The following CHM variants were observed in gnomAD, a reference collection of about 807,000 sequenced individuals.
CHM encodes the protein CHM Rab escort protein, also known as rab proteins geranylgeranyltransferase component A 1.
In CHM, 10 loss-of-function variants were observed where a neutral mutation model predicts 49.0. The ratio of observed to expected loss-of-function variants is 0.20; its 90% CI spans 0.13 to 0.35. The LOEUF (loss-of-function observed/expected upper bound fraction) is 0.35, where lower values mean the gene tolerates loss of function less well. Ranked by LOEUF, CHM falls within the 10% of genes least tolerant of loss-of-function variation. The pLI, the probability that CHM is intolerant of heterozygous loss-of-function variation, is 1.00. For synonymous variants in CHM, 184 were observed against 167.5 expected, an observed-to-expected ratio of 1.10 and a Z score of -0.76; for missense variants, 455 against 478.4, an observed-to-expected ratio of 0.95 and a Z score of 0.46.
chrX:86,013,944 G>T (rs1406871022), intron 2 of CHM, among the ~76,000 whole-genome samples: 1 of 111,574 alleles, frequency 9.0e-6, no homozygotes, highest in African/African-American at 3.3e-5. Context: ...AAATATTTTA[G>T]GCTTTGCAGG....
intron 12 of CHM, among the ~76,000 whole-genome samples, chrX:85,886,591 CAGAA>C (rs1358348369): frequency 9.0e-6 from 1 of 110,683 alleles, no homozygotes; most frequent in African/African-American, 3.3e-5. Flanking sequence ...TGACTTGAAA[CAGAA>C]AGAAATCAAT....
At chrX:85,973,328 A>AAAAAG (rs1931070685) in intron 4 of CHM, among the ~76,000 whole-genome samples, 1 of 101,520 alleles carries the variant, frequency 9.9e-6, no homozygotes, top group African/African-American at 3.6e-5. Flanking sequence ...AAAAAAAAAA[A>AAAAAG]AAAGAAAGAA....
chrX:85,986,883 G>A (rs1407472504), intron 2 of CHM, among the ~76,000 whole-genome samples: 1 of 110,927 alleles, frequency 9.0e-6, no homozygotes. Flanking sequence ...TTGAGATTCA[G>A]GAGGATGGAG....
intron 4 of CHM, among the ~76,000 whole-genome samples, chrX:85,965,398 C>G (rs1398907079): frequency 9.0e-6 from 1 of 111,508 alleles, no homozygotes. Flanking sequence ...TTTAATAGTC[C>G]TTTAGTTTTC....
chrX:85,913,429 G>A (rs1363287898), intron 8 of CHM, among the ~76,000 whole-genome samples: 1 of 108,414 alleles, frequency 9.2e-6, no homozygotes, highest in Admixed American at 9.9e-5. Context: ...GAGGAGACTG[G>A]AGGACAGGAG....
chrX:86,027,397 TGTACATAC>T (rs1286789494), intron 2 of CHM, 86 bp downstream of exon 2: 1 of 710,226 alleles, frequency 1.4e-6, no homozygotes, highest in African/African-American at 2.1e-5. Context: ...TACACATACA[TGTACATAC>T]GTACAGACAT....
At chrX:85,903,079 T>C (rs1462696309) in intron 9 of CHM, among the ~76,000 whole-genome samples, 2 of 111,367 alleles carry the variant, frequency 1.8e-5, no homozygotes, top group African/African-American at 6.5e-5. Context: ...GCTGGAAGTA[T>C]TTAGGGGAAA....
At chrX:85,937,258 C>G (rs1404740629) in intron 8 of CHM, among the ~76,000 whole-genome samples, 27 of 98,819 alleles carry the variant, frequency 2.7e-4, no homozygotes, top group African/African-American at 9.9e-4. Context: ...GAGTGAGACT[C>G]CGTCAAAAAA....
chrX:86,020,035 T>G (rs1402571934), intron 2 of CHM, among the ~76,000 whole-genome samples: 2 of 111,563 alleles, frequency 1.8e-5, no homozygotes, highest in African/African-American at 6.5e-5. Context: ...ACTTCCTACC[T>G]CAGCATACAA....
At chrX:85,987,235 A>G in intron 2 of CHM, among the ~76,000 whole-genome samples, 1 of 112,451 alleles carries the variant, frequency 8.9e-6, no homozygotes, top group Admixed American at 9.4e-5. Flanking sequence ...CTTGGAAAAC[A>G]TATTTCAGGA....
intron 4 of CHM, among the ~76,000 whole-genome samples, chrX:85,973,113 A>G (rs1931040083): frequency 1.8e-5 from 2 of 108,513 alleles, no homozygotes; most frequent in Non-Finnish European, 3.8e-5. Context: ...ATCTTGGCCA[A>G]CATGGTGAAA....
chrX:86,019,127 T>G (rs893979940), intron 2 of CHM, among the ~76,000 whole-genome samples: 2 of 111,742 alleles, frequency 1.8e-5, no homozygotes, highest in African/African-American at 6.5e-5. Flanking sequence ...CACTTGAACT[T>G]TTTTACTTTG....
At chrX:85,905,914 A>G (rs1172879054) in intron 9 of CHM, among the ~76,000 whole-genome samples, 1 of 111,696 alleles carries the variant, frequency 9.0e-6, no homozygotes, top group Non-Finnish European at 1.9e-5. Context: ...AAGCTTTTTA[A>G]ATAAGGAGGG....
At chrX:85,983,576 A>G (rs994309429) in intron 2 of CHM, among the ~76,000 whole-genome samples, 1 of 111,906 alleles carries the variant, frequency 8.9e-6, no homozygotes, top group African/African-American at 3.2e-5. Context: ...AAGGAGGGGA[A>G]AAAAACCTGA....
intron 5 of CHM, among the ~76,000 whole-genome samples, chrX:85,959,828 TATA>T (rs1157181132): frequency 8.9e-6 from 1 of 111,806 alleles, no homozygotes; most frequent in Non-Finnish European, 1.9e-5. Context: ...ATGTTACATC[TATA>T]ATAAATAAAT....
chrX:85,979,221 A>C (rs1417260159), intron 3 of CHM, among the ~76,000 whole-genome samples: 1 of 112,147 alleles, frequency 8.9e-6, no homozygotes, highest in Non-Finnish European at 1.9e-5. Context: ...ATCTGCTGAG[A>C]ATCAAGTATA....
chrX:86,009,714 T>C (rs895500217), intron 2 of CHM, among the ~76,000 whole-genome samples: 2 of 111,584 alleles, frequency 1.8e-5, no homozygotes, highest in African/African-American at 3.3e-5. Context: ...CTCAAATACA[T>C]AGAGGCAAGG....
intron 8 of CHM, among the ~76,000 whole-genome samples, chrX:85,953,074 A>G (rs1929831307): frequency 8.9e-6 from 1 of 112,660 alleles, no homozygotes; most frequent in South Asian, 3.6e-4. Flanking sequence ...AATTTAGTAA[A>G]GTTGCAGGGT....
chrX:86,003,846 T>A (rs1932796690), intron 2 of CHM, among the ~76,000 whole-genome samples: 1 of 111,871 alleles, frequency 8.9e-6, no homozygotes, highest in Non-Finnish European at 1.9e-5. Context: ...CTTGAGGATA[T>A]TATCCAGGAG....
Sources: allele counts gnomAD v4.1 joint callset (sites outside exome capture counted in the v4.1 genomes callset), GRCh38; gene constraint gnomAD v4.1.1; transcripts MANE v1.5; gene names NCBI Gene and HGNC (gene_info 2026-07-23, HGNC 2026-07-21).